Variants in VAV2 observed in about 807,000 individuals in gnomAD.
VAV2 encodes guanine nucleotide exchange factor VAV2.
Under a neutral mutation model 132.5 loss-of-function variants are expected in VAV2, and 67 were observed. The ratio of observed to expected loss-of-function variants is 0.51; its 90% CI spans 0.42 to 0.62. The LOEUF (loss-of-function observed/expected upper bound fraction) is 0.62. Among genes scored for constraint, VAV2 ranks in the 20% least tolerant of loss-of-function variants. The probability of loss-of-function intolerance (pLI) is 0.00; values close to 1 mark genes in which losing one functional copy is unlikely to be tolerated. For synonymous variants in VAV2, 492 were observed against 443.5 expected, an observed-to-expected ratio of 1.11 and a Z score of -1.37; for missense variants, 938 against 1,153.6, an observed-to-expected ratio of 0.81 and a Z score of 2.71.
intron 2 of VAV2, among the ~76,000 whole-genome samples, chr9:133,921,274 C>T (rs1840287897): frequency 6.6e-6 from 1 of 152,088 alleles, no homozygotes; most frequent in African/African-American, 2.4e-5. Context: ...CTGGCCATGG[C>T]AGGAGCGCCA....
At chr9:133,766,769 T>A (rs1443350134) in intron 29 of VAV2, among the ~76,000 whole-genome samples, 5 of 143,920 alleles carry the variant, frequency 3.5e-5, no homozygotes, top group African/African-American at 1.3e-4. Flanking sequence ...AATATATATA[T>A]ATATATATAT....
At chr9:133,892,302 G>A (rs1385041254) in intron 2 of VAV2, among the ~76,000 whole-genome samples, 12 of 151,538 alleles carry the variant, frequency 7.9e-5, no homozygotes, top group Admixed American at 7.9e-4. Flanking sequence ...AGGAAGTGAG[G>A]CCTCCTGGTG....
In VAV2 at chr9:133,866,306, G is replaced by A. The variant is rs139278482; in HGVS notation, c.322-4874C>T. On this transcript the variant is annotated intron_variant, in intron 2 of 29. Coordinates refer to ENST00000371850, the MANE Select transcript of VAV2 (RefSeq NM_001134398.2). ...TATTTCATTTAAAGAGGGATTCTAC[G>A]TGTTGGGGGGAGGGGAGGAGCCCAC... is the stretch of plus-strand genomic sequence containing the variant. Among the ~76,000 whole-genome samples the A allele has an allele frequency of 2.1e-3, 322 of 152,320 alleles. 6 individuals are homozygous for A. The highest frequency in any genetic ancestry group is 7.4e-3 in the African/African-American group (309 of 41,548).
Position 133,871,432 on chromosome 9 carries a change from GGATTGATT to G in VAV2, c.322-10008_322-10001del, listed in dbSNP as rs1309317368. Among the ~76,000 whole-genome samples the G allele has an allele frequency of 4.0e-5, 6 of 148,182 alleles. 1 individual carries two copies. The highest frequency in any genetic ancestry group is 3.4e-3 in the Middle Eastern group (1 of 292). Reference sequence around the variant, plus strand: ...TGGATGGATGGATGGACAGATGGATGGATTGATTGATGGATGGATGGATGGATGGAGAA... The same window carrying G: ...TGGATGGATGGATGGACAGATGGATGGATGGATGGATGGATGGATGGAGAA... On this transcript the variant is annotated intron_variant, in intron 2 of 29. Coordinates refer to ENST00000371850, the MANE Select transcript of VAV2 (RefSeq NM_001134398.2).
At chr9:133,904,543 C>T (rs12005095) in intron 2 of VAV2, among the ~76,000 whole-genome samples, 24 of 152,260 alleles carry the variant, frequency 1.6e-4, no homozygotes, top group Admixed American at 1.2e-3. Context: ...CAACAAAGCA[C>T]GTGTCCAGCC....
intron 1 of VAV2, among the ~76,000 whole-genome samples, chr9:133,941,265 G>A (rs571861324): frequency 1.8e-4 from 27 of 152,076 alleles, no homozygotes; most frequent in Admixed American, 4.6e-4. Flanking sequence ...AAAATTAGCC[G>A]GGCGTGGTGG....
chr9:133,951,472 C>T (rs1372149860), intron 1 of VAV2, among the ~76,000 whole-genome samples: 3 of 152,148 alleles, frequency 2.0e-5, no homozygotes, highest in African/African-American at 7.2e-5. Context: ...GGTGAGTGGC[C>T]GTCACCCGCC....
At chr9:133,828,559 C>G (rs566889117) in intron 4 of VAV2, among the ~76,000 whole-genome samples, 2 of 152,236 alleles carry the variant, frequency 1.3e-5, no homozygotes, top group African/African-American at 4.8e-5. Flanking sequence ...CCCCTGCAGC[C>G]AGCACAGGCT....
chr9:133,874,859 G>A (rs1472513571), intron 2 of VAV2, among the ~76,000 whole-genome samples: 3 of 152,180 alleles, frequency 2.0e-5, no homozygotes, highest in Admixed American at 1.3e-4. Context: ...GGCAGGAAGT[G>A]GGGCGTGGAG....
In VAV2 at chr9:133,764,121, G is replaced by A; in HGVS notation, c.2590-12C>T. Reference sequence around the variant, plus strand: ...GGAAACCAGCCAATCTGAAAAAGATGGTAAGATCGTGTCTGTGTGTGTGTG... The same window carrying A: ...GGAAACCAGCCAATCTGAAAAAGATAGTAAGATCGTGTCTGTGTGTGTGTG... On this transcript the variant is annotated splice_polypyrimidine_tract_variant and intron_variant, in intron 29 of 29. Transcript: ENST00000371850. The A allele has an allele frequency of 6.2e-7, 1 of 1,605,502 alleles. No homozygotes were observed. The highest frequency in any genetic ancestry group is 8.5e-7 in the Non-Finnish European group (1 of 1,176,178).
chr9:133,827,754 C>T (rs866157305), intron 4 of VAV2, among the ~76,000 whole-genome samples: 219 of 19,856 alleles, frequency 0.011, 13 homozygotes, highest in Middle Eastern at 0.024. Context: ...CCTACCGCTG[C>T]GCCCACTGGG....
At chr9:133,859,020 G>A (rs1391009219) in intron 3 of VAV2, among the ~76,000 whole-genome samples, 1 of 152,214 alleles carries the variant, frequency 6.6e-6, no homozygotes, top group East Asian at 1.9e-4. Context: ...GCCCATCCTG[G>A]GAGGAGCGGC....
intron 4 of VAV2, among the ~76,000 whole-genome samples, chr9:133,825,182 G>A (rs1022172398): frequency 4.4e-5 from 6 of 136,950 alleles, no homozygotes; most frequent in African/African-American, 8.0e-5. Flanking sequence ...TGTCCTTGTC[G>A]ATGAAGGACC....
intron 2 of VAV2, among the ~76,000 whole-genome samples, chr9:133,904,965 C>T (rs3780753): frequency 0.46 from 69,970 of 152,082 alleles, 17,554 homozygotes; most frequent in African/African-American, 0.67. Flanking sequence ...GGAGGGGATG[C>T]AGGGAGCGCT....
chr9:133,841,665 C>A (rs1836728688), intron 3 of VAV2, among the ~76,000 whole-genome samples: 3 of 152,198 alleles, frequency 2.0e-5, no homozygotes. Context: ...ACTGTGCTCA[C>A]TGGAGGGGAG....
chr9:133,797,842 C>G lies in VAV2; in HGVS notation c.837-33G>C, dbSNP rs200226319. ...GTGCACACACACGCACACACGCACA[C>G]AGATTTAATGAGCAGCTCGGGGCTG... On this transcript the variant is annotated intron_variant, in intron 9 of 29. Coordinates refer to ENST00000371850, the MANE Select transcript of VAV2 (RefSeq NM_001134398.2). The G allele has an allele frequency of 4.4e-6, 7 of 1,604,136 alleles. No homozygotes were observed. In the Admixed American group the frequency reaches 1.2e-4, roughly 27 times the overall value.
intron 9 of VAV2, 52 bp from the exon 10 acceptor site, chr9:133,797,861 G>C (rs760996368): frequency 1.3e-6 from 2 of 1,558,254 alleles, no homozygotes; most frequent in Non-Finnish European, 1.8e-6. Context: ...TGAGCAGCTC[G>C]GGGCTGCAGT....
At chr9:133,859,896 G>C (rs117374871) in intron 3 of VAV2, among the ~76,000 whole-genome samples, 5,120 of 152,328 alleles carry the variant, frequency 0.034, 103 homozygotes, top group Middle Eastern at 0.058. Flanking sequence ...AGAGGCATTA[G>C]TTATCCTCTA....
intron 1 of VAV2, among the ~76,000 whole-genome samples, chr9:133,979,266 C>T (rs935830939): frequency 1.3e-5 from 2 of 152,210 alleles, no homozygotes; most frequent in Admixed American, 1.3e-4. Context: ...AAAATACCCC[C>T]TTTGACAGCG....
Sources: allele counts gnomAD v4.1 joint callset (sites outside exome capture counted in the v4.1 genomes callset), GRCh38; gene constraint gnomAD v4.1.1; transcripts MANE v1.5; gene names NCBI Gene and HGNC (gene_info 2026-07-23, HGNC 2026-07-21).